POLM: variants seen among roughly 807,000 people sequenced by gnomAD.
The protein encoded by POLM is DNA-directed DNA/RNA polymerase mu.
In POLM, 52 loss-of-function variants were observed where a neutral mutation model predicts 56.7. The observed-to-expected ratio is 0.92, with a 90% CI of 0.73 to 1.15. The LOEUF is 1.15. Among genes scored for constraint, POLM ranks in the 50% most tolerant of loss-of-function variants. POLM has a pLI of 0.00. For missense variants in POLM, 660 were observed against 663.6 expected (o/e 0.99, Z 0.06); for synonymous variants, 273 against 274.3 (o/e 1.00, Z 0.05).
chr7:44,078,943 G>T (rs2096191534), intron 4 of POLM, 132 bp from the exon 5 acceptor site: 1 of 673,560 alleles, frequency 1.5e-6, no homozygotes, highest in South Asian at 1.9e-5. Flanking sequence ...AGACAACTTT[G>T]TGAGGTCAGG....
chr7:44,082,486 C>G lies in POLM; in HGVS notation c.-48G>C. On this transcript the variant is annotated 5_prime_UTR_variant, in exon 1 of 11. Coordinates refer to ENST00000242248, the MANE Select transcript of POLM (RefSeq NM_013284.4). ...GCGGAGCGAACGCAGAGGGAAACTC[C>G]GAGCGAGACGGAAGGAAGCCCCAGT... 1.2e-6 allele frequency: 1 copy of G among 863,110 alleles called. No individual in the cohort carries two copies. The highest frequency in any genetic ancestry group is 1.4e-6 in the Non-Finnish European group (1 of 708,536). 53.5% of individuals were successfully genotyped at this position (863,110 alleles called of 1,614,324 possible).
At chr7:44,077,070 C>CA in intron 5 of POLM, 1 of 156,006 alleles carries the variant, frequency 6.4e-6, no homozygotes, top group East Asian at 1.9e-4. Flanking sequence ...GCAGAGTTGG[C>CA]AGGGCTGGCT....
Position 44,082,334 on chromosome 7 carries a change from G to C in POLM, c.105C>G (p.Val35=), listed in dbSNP as rs770114264. Residue 35 remains valine (V), a synonymous_variant, in exon 1 of 11, where the codon GTC becomes GTG. Transcript: ENST00000242248. ...TRFPGVAIYL[V]EPRMGRSRRA... Reference sequence around the variant, plus strand: ...GGCGGCTGCGACCCATGCGAGGCTCGACCAGGTAGATGGCGACTCCCGGGA... The same window carrying C: ...GGCGGCTGCGACCCATGCGAGGCTCCACCAGGTAGATGGCGACTCCCGGGA... 16 of 1,561,572 alleles carry C rather than the reference G, an allele frequency of 1.0e-5. No individual in the cohort carries two copies. In the South Asian group the frequency reaches 1.6e-4, roughly 16 times the overall value.
In POLM at chr7:44,082,324, T is replaced by C. The variant is rs747067143; in HGVS notation, c.115A>G (p.Met39Val). 2 of 1,560,864 alleles carry C rather than the reference T, an allele frequency of 1.3e-6. No individual in the cohort carries two copies. The highest frequency in any genetic ancestry group is 1.7e-6 in the Non-Finnish European group (2 of 1,160,540). ...GVAIYLVEPR[M>V]GRSRRAFLTG... The stretch of plus-strand genomic sequence containing the variant: ...AGGAAGGCCCGGCGGCTGCGACCCA[T>C]GCGAGGCTCGACCAGGTAGATGGCG... The change falls in exon 1 of 11, where the codon ATG (methionine) becomes GTG (valine). Residue 39 changes from methionine to valine, a missense_variant. Physicochemically the swap from Met to Val is conservative, Grantham distance 21. Transcript: ENST00000242248.
rs749874220 is a variant in POLM, at chr7:44,076,582, C to T, written c.762G>A (p.Trp254Ter). The change falls in exon 6 of 11, where the codon TGG (tryptophan) becomes TGA (stop). Residue 254 changes from tryptophan (W) to a stop codon, truncating the protein, a stop_gained. Transcript: ENST00000242248. LOFTEE classifies it high-confidence loss of function. Reference sequence around the variant, plus strand: ...CTAAGGTTCGCAGTCCTTCCCGGTACCACCGGTCAGCAGTCTTCACACCGA... The same window carrying T: ...CTAAGGTTCGCAGTCCTTCCCGGTATCACCGGTCAGCAGTCTTCACACCGA... ...FGVGVKTADR[W>*]YREGLRTLDD... 27 of 1,614,022 alleles carry T rather than the reference C, an allele frequency of 1.7e-5. No individual in the cohort carries two copies. Among genetic ancestry groups the T allele is most frequent in the Admixed American group, 3.3e-5 (2 of 59,996 alleles).
intron 10 of POLM, 55 bp downstream of exon 10, chr7:44,073,570 G>A (rs961083097): frequency 1.9e-6 from 3 of 1,607,512 alleles, no homozygotes; most frequent in Non-Finnish European, 2.6e-6. Context: ...TCAGATTGTG[G>A]GTCAGGGAGC....
rs932162239 is a variant in POLM, at chr7:44,073,920, G to T, written c.1177C>A (p.Arg393Ser). 1 of 1,614,242 alleles carries T rather than the reference G, an allele frequency of 6.2e-7. No homozygotes were observed. Among genetic ancestry groups the T allele is most frequent in the Admixed American group, 1.7e-5 (1 of 60,030 alleles). Residue 393 changes from arginine to serine, a missense_variant, in exon 9 of 11, where the codon CGC becomes AGC. Transcript: ENST00000242248. ...GCAGCCCCTGGAGGTTGTGGTAGGC[G>T]GAAAATGCAGAAACTTCTCTCAAAA... ...DAFERSFCIFRLPQPPGAAVG... is the reference protein window; with the variant it reads ...DAFERSFCIFSLPQPPGAAVG...
intron 7 of POLM, 66 bp downstream of exon 7, chr7:44,074,332 G>A (rs1029385444): frequency 4.4e-5 from 68 of 1,545,068 alleles, no homozygotes; most frequent in African/African-American, 1.8e-4. Context: ...CAGGGTCCCC[G>A]ACTCAGGTCC....
rs1427089915 is a variant in POLM, at chr7:44,079,992, G to A, written c.373-33C>T. The A allele has an allele frequency of 7.4e-6, 11 of 1,481,086 alleles. No individual in the cohort carries two copies. The African/African-American group carries it at 1.1e-4, about 15-fold the overall frequency. 91.7% of individuals were successfully genotyped at this position (1,481,086 alleles called of 1,614,324 possible). A position where few individuals can be genotyped will look rare whatever the true frequency, so the allele number is the denominator to read the frequency against. On this transcript the variant is annotated intron_variant, in intron 2 of 10. Coordinates refer to ENST00000242248, the MANE Select transcript of POLM (RefSeq NM_013284.4). ...TGGGCAATAAACAGGTCACTGTGAG[G>A]CTGCAGGGCTGGCAGGAGAGCCAGG...
At chr7:44,076,697 C>T (rs1341635402) in intron 5 of POLM, 68 bp from the exon 6 acceptor site, 74 of 1,591,482 alleles carry the variant, frequency 4.6e-5, no homozygotes, top group South Asian at 1.7e-4. Context: ...TCACCCGCTC[C>T]GGGACGGTGT....
At chr7:44,076,839 C>T in intron 5 of POLM, 1 of 572,200 alleles carries the variant, frequency 1.7e-6, no homozygotes, top group South Asian at 2.0e-5. Flanking sequence ...CACGCACACC[C>T]CTCTCCTCTC....
chr7:44,080,871 C>T lies in POLM; in HGVS notation c.234G>A (p.Glu78=). The T allele has an allele frequency of 6.2e-7, 1 of 1,604,170 alleles. No individual in the cohort carries two copies. Residue 78 remains glutamate (E), a synonymous_variant, in exon 2 of 11, where the codon GAG becomes GAA. Coordinates refer to ENST00000242248, the MANE Select transcript of POLM (RefSeq NM_013284.4). ...HVVMEETSAE[E]AVSWQERRMA... is the part of the protein sequence containing the mutation. ...TCCTGCGCTCCTGCCAGCTGACGGC[C>T]TCCTCTGCTGAGGTCTCTTCCATCA...
intron 2 of POLM, 97 bp from the exon 3 acceptor site, chr7:44,080,056 G>A (rs1478179026): frequency 4.7e-6 from 4 of 853,528 alleles, no homozygotes; most frequent in Admixed American, 4.0e-5. Flanking sequence ...TGTCCAACTC[G>A]GGCCCTCTGG....
intron 6 of POLM, among the ~76,000 whole-genome samples, chr7:44,075,092 C>T (rs1486759407): frequency 6.6e-6 from 1 of 152,174 alleles, no homozygotes; most frequent in Non-Finnish European, 1.5e-5. Flanking sequence ...CTCTTGTTGC[C>T]CAGGTTGGAG....
At chr7:44,079,226 T>G (rs1201600345) in intron 4 of POLM, among the ~76,000 whole-genome samples, 4 of 152,228 alleles carry the variant, frequency 2.6e-5, no homozygotes, top group Non-Finnish European at 5.9e-5. Flanking sequence ...AAAGGACAAC[T>G]AAACACACTG....
At position 44,076,510 on chromosome 7, in the gene POLM, C is replaced by T. The variant is rs1360646616; in HGVS notation, c.834G>A (p.Ala278=). ...QPQKLTQQQK[A]GLQHHQDLST... is the part of the protein sequence containing the mutation. Reference sequence around the variant, plus strand: ...GCCCAGCCTCTCTGGAGGGCTCACCCGCTTTCTGCTGTTGGGTTAGTTTCT... The same window carrying T: ...GCCCAGCCTCTCTGGAGGGCTCACCTGCTTTCTGCTGTTGGGTTAGTTTCT... Residue 278 remains alanine, a splice_region_variant and synonymous_variant, in exon 6 of 11, where the codon GCG becomes GCA. Transcript: ENST00000242248. The T allele has an allele frequency of 6.8e-6, 11 of 1,613,754 alleles. No homozygotes were observed. The highest frequency in any genetic ancestry group is 3.3e-5 in the Admixed American group (2 of 59,956).
At position 44,073,243 on chromosome 7, in the gene POLM, T is replaced by G. The variant is rs964959253; in HGVS notation, c.*48A>C. The G allele has an allele frequency of 6.2e-7, 1 of 1,613,846 alleles. No individual in the cohort carries two copies. Among genetic ancestry groups the G allele is most frequent in the East Asian group, 2.2e-5 (1 of 44,874 alleles). On this transcript the variant is annotated 3_prime_UTR_variant, in exon 11 of 11. Transcript: ENST00000242248. Reference sequence around the variant, plus strand: ...TGCCTGGAGACATTCAGTGGCCAGGTTGGGGGCAGCCCAATTTCCTGAGTG... The same window carrying G: ...TGCCTGGAGACATTCAGTGGCCAGGGTGGGGGCAGCCCAATTTCCTGAGTG...
intron 6 of POLM, among the ~76,000 whole-genome samples, chr7:44,075,492 A>C (rs1287376699): frequency 6.6e-6 from 1 of 152,114 alleles, no homozygotes; most frequent in Admixed American, 6.5e-5. Flanking sequence ...ACCTCCTGTC[A>C]GCTGAACTGG....
intron 4 of POLM, 43 bp downstream of exon 4, chr7:44,079,528 T>TGCCC: frequency 6.6e-7 from 1 of 1,506,350 alleles, no homozygotes; most frequent in Non-Finnish European, 9.1e-7. Context: ...CCCCAAGGCC[T>TGCCC]CCCCACCCAC....
Sources: gnomAD v4.1 joint callset for allele counts (sites outside exome capture counted in the v4.1 genomes callset) on GRCh38, gnomAD v4.1.1 for gene constraint, MANE v1.5 for transcripts, NCBI Gene and HGNC (gene_info 2026-07-23, HGNC 2026-07-21) for gene names.